TIAM1: variants seen among roughly 807,000 people sequenced by gnomAD.
TIAM1 encodes TIAM Rac1 associated GEF 1.
TIAM1 carries 65 observed loss-of-function variants against 163.5 expected under a neutral mutation model. That is an observed-to-expected ratio of 0.40 (90% confidence interval 0.33 to 0.49). The LOEUF is 0.49. Among genes scored for constraint, TIAM1 ranks in the 20% least tolerant of loss-of-function variants. The pLI is 0.77. For missense variants in TIAM1, 1,789 were observed against 2,044.7 expected (o/e 0.87, Z 2.41); for synonymous variants, 833 against 810.1 (o/e 1.03, Z -0.48).
At chr21:31,153,668 T>A (rs892693060) in intron 17 of TIAM1, among the ~76,000 whole-genome samples, 4 of 151,516 alleles carry the variant, frequency 2.6e-5, no homozygotes, top group South Asian at 2.1e-4. Context: ...CCTCAACTTT[T>A]AAAAAAATTA....
intron 1 of TIAM1, among the ~76,000 whole-genome samples, chr21:31,486,664 T>C (rs8128991): frequency 0.59 from 89,740 of 152,134 alleles, 27,358 homozygotes; most frequent in African/African-American, 0.7. Flanking sequence ...CCTGCATCCG[T>C]CCTCTCCACT....
Position 31,397,722 on chromosome 21 carries a change from A to G in TIAM1, c.-368-58300T>C, listed in dbSNP as rs565508416. Among the ~76,000 whole-genome samples the G allele has an allele frequency of 5.9e-5, 9 of 152,290 alleles. No individual in the cohort carries two copies. In the South Asian group the frequency reaches 1.9e-3, roughly 32 times the overall value. On this transcript the variant is annotated intron_variant, in intron 2 of 28. Coordinates refer to the TIAM1 transcript ENST00000286827. ...CCCAGTCAAAGGCAGCTCTGTGTAA[A>G]ACAAACCTCTCTATACAGAAAGAAA...
chr21:31,456,778 T>C (rs765810075), intron 2 of TIAM1, among the ~76,000 whole-genome samples: 1 of 152,134 alleles, frequency 6.6e-6, no homozygotes, highest in African/African-American at 2.4e-5. Context: ...ACCTCAACAC[T>C]TATTTCTAAA....
chr21:31,511,521 G>T (rs2047209670), intron 1 of TIAM1, among the ~76,000 whole-genome samples: 2 of 152,130 alleles, frequency 1.3e-5, no homozygotes. Flanking sequence ...GATAATAATA[G>T]TATCTAGCTC....
chr21:31,519,989 A>G (rs190312116), intron 1 of TIAM1, among the ~76,000 whole-genome samples: 1 of 152,336 alleles, frequency 6.6e-6, no homozygotes, highest in East Asian at 1.9e-4. Flanking sequence ...CTGGTGAGGC[A>G]ACGTTACATT....
In TIAM1 at chr21:31,400,259, T is replaced by C. The variant is rs530683661; in HGVS notation, c.-368-60837A>G. Among the ~76,000 whole-genome samples, 26 of 152,134 alleles carry C rather than the reference T, an allele frequency of 1.7e-4. No individual in the cohort carries two copies. The South Asian group carries it at 5.4e-3, about 32-fold the overall frequency. On this transcript the variant is annotated intron_variant, in intron 2 of 28. Transcript: ENST00000286827. ...TCTCCTACCTCAGCTCCCGAGTAGC[T>C]GGGACTACAGGCACCCACCACCACA...
At chr21:31,285,917 C>G (rs1392374952) in intron 2 of TIAM1, among the ~76,000 whole-genome samples, 1 of 152,004 alleles carries the variant, frequency 6.6e-6, no homozygotes, top group Non-Finnish European at 1.5e-5. Context: ...GTTCAGTCTT[C>G]CAGATAATGA....
intron 4 of TIAM1, among the ~76,000 whole-genome samples, chr21:31,259,021 C>T (rs1369688587): frequency 6.6e-6 from 1 of 151,998 alleles, no homozygotes; most frequent in Non-Finnish European, 1.5e-5. Flanking sequence ...AACAGTCACA[C>T]ATTTACAGTT....
intron 2 of TIAM1, among the ~76,000 whole-genome samples, chr21:31,393,832 A>C (rs2077007942): frequency 6.6e-6 from 1 of 152,170 alleles, no homozygotes; most frequent in South Asian, 2.1e-4. Context: ...TAATAACCAT[A>C]TGGCCTGCAT....
chr21:31,308,119 T>C (rs1274694177), intron 2 of TIAM1, among the ~76,000 whole-genome samples: 2 of 152,048 alleles, frequency 1.3e-5, no homozygotes, highest in African/African-American at 4.8e-5. Flanking sequence ...GGCGTGGTGG[T>C]GTGCACCTGT....
In TIAM1 at chr21:31,141,840, T is replaced by C. The variant is rs2082859655; in HGVS notation, c.3476-336A>G. Among the ~76,000 whole-genome samples the C allele has an allele frequency of 6.6e-6, 1 of 152,084 alleles. No homozygotes were observed. Among genetic ancestry groups the C allele is most frequent in the Non-Finnish European group, 1.5e-5 (1 of 68,006 alleles). On this transcript the variant is annotated intron_variant, in intron 20 of 27. Transcript: ENST00000541036. This position sits in a 1 kb window ranked among gnomAD's most constrained non-coding sequence, Gnocchi z 4.7. ...TCCTGATGTTTTGACACCTGGGGCC[T>C]TACTGTCCATGGGGAGACTGCCCCG...
intron 8 of TIAM1, 109 bp from the exon 9 acceptor site, chr21:31,217,808 C>CCAG: frequency 2.2e-6 from 3 of 1,361,232 alleles, no homozygotes; most frequent in Non-Finnish European, 3.0e-6. Flanking sequence ...CTCCATCATG[C>CCAG]CAGCCAACCC....
rs763013260 is a variant in TIAM1 at position 31,217,693 on chromosome 21, C to T, written c.2002G>A (p.Ala668Thr). Reference protein sequence around the residue: ...SVSSFHALVAARTGETGVRRR... With the variant: ...SVSSFHALVATRTGETGVRRR... ...CTCACTCCAGTTTCACCAGTGCGTG[C>T]TGCCACCTGAGGATGGCAAGGACAA... The change falls in exon 9 of 28, where the codon GCA (alanine) becomes ACA (threonine). Residue 668 changes from alanine (A) to threonine (T), a missense_variant. Ala to Thr is a moderately conservative substitution (Grantham distance 58, BLOSUM62 0). Around this residue, in one of 5 missense-constraint regions of TIAM1, gnomAD observed 456 missense variants for 586.6 expected, o/e 0.78. Coordinates refer to ENST00000541036, the MANE Select transcript of TIAM1 (RefSeq NM_001353694.2). The T allele has an allele frequency of 6.2e-7, 1 of 1,612,986 alleles. No homozygotes were observed. The highest frequency in any genetic ancestry group is 8.5e-7 in the Non-Finnish European group (1 of 1,179,448).
intron 9 of TIAM1, among the ~76,000 whole-genome samples, chr21:31,216,325 T>C (rs1156294213): frequency 6.6e-6 from 1 of 152,160 alleles, no homozygotes; most frequent in Non-Finnish European, 1.5e-5. Flanking sequence ...GATCATTCTA[T>C]CAAGTCAGTC....
chr21:31,402,399 A>C (rs187048886), intron 2 of TIAM1, among the ~76,000 whole-genome samples: 3 of 152,292 alleles, frequency 2.0e-5, no homozygotes, highest in Admixed American at 6.5e-5. Context: ...AGGAACAAGA[A>C]AATGGCAAAA....
chr21:31,221,990 G>C (rs970464924), intron 8 of TIAM1, among the ~76,000 whole-genome samples: 2 of 152,208 alleles, frequency 1.3e-5, no homozygotes, highest in Admixed American at 6.5e-5. Context: ...TAGCTGTATG[G>C]AGAGGTGGTA....
intron 2 of TIAM1, among the ~76,000 whole-genome samples, chr21:31,363,351 C>T (rs1246777282): frequency 1.3e-5 from 2 of 152,136 alleles, no homozygotes; most frequent in African/African-American, 2.4e-5. Context: ...CCCACTTTGG[C>T]CCTAAATCAA....
intron 12 of TIAM1, among the ~76,000 whole-genome samples, chr21:31,200,944 C>T (rs1395255123): frequency 6.6e-6 from 1 of 152,156 alleles, no homozygotes; most frequent in East Asian, 1.9e-4. Context: ...ACTTAAGATT[C>T]TTTTAAAATA....
intron 2 of TIAM1, among the ~76,000 whole-genome samples, chr21:31,407,090 T>C (rs898750669): frequency 1.3e-5 from 2 of 152,182 alleles, no homozygotes; most frequent in African/African-American, 2.4e-5. Context: ...CCGTGCCATA[T>C]TGATGAGGTT....
Sources: allele counts gnomAD v4.1 joint callset (sites outside exome capture counted in the v4.1 genomes callset), GRCh38; gene constraint gnomAD v4.1.1; regional missense constraint gnomAD v4.1.1; non-coding constraint Gnocchi (gnomAD v3.1); transcripts MANE v1.5; gene names NCBI Gene and HGNC (gene_info 2026-07-23, HGNC 2026-07-21).